GRIN2B: variants seen among roughly 807,000 people sequenced by gnomAD.
GRIN2B encodes glutamate receptor ionotropic, NMDA 2B.
Under a neutral mutation model 114.5 loss-of-function variants are expected in GRIN2B, and 5 were observed. The observed-to-expected ratio is 0.04, with a 90% CI of 0.02 to 0.09. The LOEUF is 0.09. GRIN2B is among the 10% of genes least tolerant of loss of function. The pLI, the probability that GRIN2B is intolerant of heterozygous loss-of-function variation, is 1.00. For synonymous variants in GRIN2B, 787 were observed against 745.1 expected (o/e 1.06, Z -0.92); for missense variants, 1,108 against 1,943.5 (o/e 0.57, Z 8.08).
chr12:13,583,793 G>A (rs115142329), intron 10 of GRIN2B, among the ~76,000 whole-genome samples: 19 of 152,078 alleles, frequency 1.2e-4, no homozygotes, highest in Non-Finnish European at 2.1e-4. Flanking sequence ...CTGCACTGAC[G>A]TTGGGAGGAA....
At chr12:13,954,825 A>AAAAAAAAAAAAAAAC (rs1555161322) in intron 2 of GRIN2B, among the ~76,000 whole-genome samples, 2 of 148,066 alleles carry the variant, frequency 1.4e-5, no homozygotes, top group East Asian at 3.9e-4. Flanking sequence ...AAAAAAAAAA[A>AAAAAAAAAAAAAAAC]AAAACTTTTT....
intron 5 of GRIN2B, among the ~76,000 whole-genome samples, chr12:13,648,526 C>T (rs1267641754): frequency 1.3e-5 from 2 of 151,986 alleles, no homozygotes; most frequent in African/African-American, 4.8e-5. Flanking sequence ...CAAGGTGTCA[C>T]TTGCTATAAG....
chr12:13,866,522 G>GC (rs1190215420), intron 2 of GRIN2B, among the ~76,000 whole-genome samples: 2 of 152,200 alleles, frequency 1.3e-5, no homozygotes, highest in Non-Finnish European at 2.9e-5. Flanking sequence ...GGTCCAGGTA[G>GC]CCATGCGAGT....
intron 10 of GRIN2B, 88 bp downstream of exon 10, chr12:13,608,515 T>G: frequency 1.0e-6 from 1 of 960,486 alleles, no homozygotes; most frequent in Non-Finnish European, 1.7e-6. Context: ...TTCCAAAAAT[T>G]TAGAAGACAA....
At chr12:13,887,073 A>G (rs1320522391) in intron 2 of GRIN2B, among the ~76,000 whole-genome samples, 1 of 152,206 alleles carries the variant, frequency 6.6e-6, no homozygotes, top group Non-Finnish European at 1.5e-5. Flanking sequence ...TCTAATGCGC[A>G]TGCTCTTAAT....
In GRIN2B at chr12:13,797,204, A is replaced by G. The variant is rs150396071; in HGVS notation, c.412-43289T>C. On this transcript the variant is annotated intron_variant, in intron 3 of 13. Transcript: ENST00000609686. ...TGAGAGCCCATTTCCTGGTTTACAG[A>G]TGATGCCTTCCTCACATGATGGAAG... 3.9e-5 allele frequency among the ~76,000 whole-genome samples: 6 copies of G among 152,286 alleles called. No individual in the cohort carries two copies. The East Asian group carries it at 1.2e-3, about 29-fold the overall frequency.
At chr12:13,895,568 A>T (rs907305960) in intron 2 of GRIN2B, among the ~76,000 whole-genome samples, 3 of 152,176 alleles carry the variant, frequency 2.0e-5, no homozygotes, top group Non-Finnish European at 4.4e-5. Flanking sequence ...AAAGTTTGAA[A>T]GGCTAAGAAT....
At chr12:13,854,697 G>GAGC (rs1431075720) in intron 3 of GRIN2B, among the ~76,000 whole-genome samples, 1 of 152,052 alleles carries the variant, frequency 6.6e-6, no homozygotes, top group Non-Finnish European at 1.5e-5. Context: ...GAACTAGAAA[G>GAGC]AGCATCACCT....
At chr12:13,947,235 G>A (rs763627212) in intron 2 of GRIN2B, among the ~76,000 whole-genome samples, 2 of 152,216 alleles carry the variant, frequency 1.3e-5, no homozygotes, top group African/African-American at 2.4e-5. Context: ...TGACTGGTCA[G>A]TGTAGCTAAT....
At chr12:13,614,829 C>T (rs1949414966) in intron 8 of GRIN2B, among the ~76,000 whole-genome samples, 1 of 152,230 alleles carries the variant, frequency 6.6e-6, no homozygotes, top group African/African-American at 2.4e-5. Context: ...CTCAAGGTCA[C>T]ATGCTGACTA....
At chr12:13,679,065 G>A (rs962400856) in intron 4 of GRIN2B, among the ~76,000 whole-genome samples, 3 of 151,786 alleles carry the variant, frequency 2.0e-5, no homozygotes, top group Non-Finnish European at 4.4e-5. Flanking sequence ...AAGGAGGAAG[G>A]AAGAGAGAGA....
At chr12:13,978,120 A>G (rs1295831141) in intron 2 of GRIN2B, among the ~76,000 whole-genome samples, 1 of 152,210 alleles carries the variant, frequency 6.6e-6, no homozygotes, top group Non-Finnish European at 1.5e-5. Context: ...TGGGGATGCA[A>G]AAGGGGCCCT....
chr12:13,643,029 G>C (rs2136508987), intron 5 of GRIN2B, among the ~76,000 whole-genome samples: 1 of 152,250 alleles, frequency 6.6e-6, no homozygotes, highest in East Asian at 1.9e-4. Flanking sequence ...CCACACAATA[G>C]AGAACTGTCT....
At chr12:13,565,541 C>A (rs1948627664) in intron 13 of GRIN2B, among the ~76,000 whole-genome samples, 1 of 152,142 alleles carries the variant, frequency 6.6e-6, no homozygotes, top group Non-Finnish European at 1.5e-5. Flanking sequence ...AGGCAACGGG[C>A]TGGGTTCCTG....
rs192948771 is a variant in GRIN2B, at chr12:13,893,659, A to C, written c.-18-27433T>G. Among the ~76,000 whole-genome samples the C allele has an allele frequency of 2.7e-4, 41 of 152,274 alleles. No homozygotes were observed. In the East Asian group the frequency reaches 7.7e-3, roughly 29 times the overall value. The stretch of plus-strand genomic sequence containing the variant: ...TTTATTTAATAGATATGTGCCTCAA[A>C]AGCTAAACATAAAACTCAAATCTAT... On this transcript the variant is annotated intron_variant, in intron 2 of 13. Transcript: ENST00000609686.
At chr12:13,727,214 G>C (rs1244058654) in intron 4 of GRIN2B, among the ~76,000 whole-genome samples, 2 of 152,158 alleles carry the variant, frequency 1.3e-5, no homozygotes, top group South Asian at 2.1e-4. Flanking sequence ...AAGAAACTAA[G>C]TGACATATGC....
intron 10 of GRIN2B, among the ~76,000 whole-genome samples, chr12:13,573,019 A>G (rs532159684): frequency 6.6e-6 from 1 of 150,384 alleles, no homozygotes; most frequent in South Asian, 2.1e-4. Context: ...CGGATTGAAG[A>G]CCAGCTCCGC....
intron 3 of GRIN2B, among the ~76,000 whole-genome samples, chr12:13,859,696 T>C (rs973210962): frequency 6.6e-6 from 1 of 152,224 alleles, no homozygotes; most frequent in Admixed American, 6.5e-5. Flanking sequence ...ACTATTGTTG[T>C]AGATGTGTGA....
intron 5 of GRIN2B, among the ~76,000 whole-genome samples, chr12:13,662,240 TG>T (rs1949931761): frequency 6.6e-6 from 1 of 152,062 alleles, no homozygotes; most frequent in Non-Finnish European, 1.5e-5. Flanking sequence ...GAGAAAAAAA[TG>T]GGAGATAAAA....
Sources: gnomAD v4.1 joint callset for allele counts (sites outside exome capture counted in the v4.1 genomes callset) on GRCh38, gnomAD v4.1.1 for gene constraint, MANE v1.5 for transcripts, NCBI Gene and HGNC (gene_info 2026-07-23, HGNC 2026-07-21) for gene names.